Variants in DCC observed in about 807,000 individuals in gnomAD.
DCC encodes DCC netrin 1 receptor, also known as netrin receptor DCC.
DCC carries 58 observed loss-of-function variants against 172.5 expected under a neutral mutation model. That is an observed-to-expected ratio of 0.34 (90% confidence interval 0.27 to 0.42). The LOEUF (loss-of-function observed/expected upper bound fraction) is 0.42, where lower values mean the gene tolerates loss of function less well. Among genes scored for constraint, DCC ranks in the 10% least tolerant of loss-of-function variants. The probability of loss-of-function intolerance (pLI) is 1.00; values close to 1 mark genes in which losing one functional copy is unlikely to be tolerated. For missense variants in DCC, 1,740 were observed against 1,791.0 expected (o/e 0.97, Z 0.51); for synonymous variants, 709 against 644.5 (o/e 1.10, Z -1.52).
At chr18:52,980,833 A>G (rs2145603925) in intron 5 of DCC, among the ~76,000 whole-genome samples, 1 of 152,270 alleles carries the variant, frequency 6.6e-6, no homozygotes, top group South Asian at 2.1e-4. Flanking sequence ...AAAGTGAAAG[A>G]AAAGAATAGG....
chr18:52,819,637 G>A (rs892747253), intron 2 of DCC, among the ~76,000 whole-genome samples: 3 of 151,924 alleles, frequency 2.0e-5, no homozygotes, highest in Non-Finnish European at 4.4e-5. Context: ...GACGTCAGTT[G>A]TTAGTGAGGT....
intron 2 of DCC, among the ~76,000 whole-genome samples, chr18:52,882,284 TC>T (rs1242729614): frequency 2.0e-5 from 3 of 151,024 alleles, no homozygotes; most frequent in Non-Finnish European, 4.5e-5. Context: ...TTTATAGGGA[TC>T]CTTTAGGTTT....
intron 8 of DCC, among the ~76,000 whole-genome samples, chr18:53,164,624 A>G (rs1419625404): frequency 6.6e-6 from 1 of 152,190 alleles, no homozygotes; most frequent in Non-Finnish European, 1.5e-5. Flanking sequence ...GAATAATAAT[A>G]GTATCTGATG....
Position 52,688,015 on chromosome 18 carries a change from T to C in DCC, c.92-64039T>C, listed in dbSNP as rs369972274. Among the ~76,000 whole-genome samples the C allele has an allele frequency of 3.3e-5, 5 of 152,020 alleles. No individual in the cohort carries two copies. In the East Asian group the frequency reaches 5.8e-4, roughly 18 times the overall value. ...GGCTGTTTCATGATCCACTGAACTA[T>C]AAGGAAACCATGGGTCTAAATTGCC... On this transcript the variant is annotated intron_variant, in intron 1 of 28. Coordinates refer to ENST00000442544, the MANE Select transcript of DCC (RefSeq NM_005215.4).
chr18:52,988,673 T>C (rs1857524573), intron 5 of DCC, among the ~76,000 whole-genome samples: 1 of 152,152 alleles, frequency 6.6e-6, no homozygotes, highest in South Asian at 2.1e-4. Flanking sequence ...CTTCTGTTTA[T>C]GTGTTGTGCA....
intron 1 of DCC, among the ~76,000 whole-genome samples, chr18:52,433,845 C>T (rs1987703796): frequency 6.6e-6 from 1 of 152,232 alleles, no homozygotes; most frequent in East Asian, 1.9e-4. Flanking sequence ...TTTTAGGATT[C>T]ATCTTTTAAT....
At chr18:52,431,870 G>C (rs1987636408) in intron 1 of DCC, among the ~76,000 whole-genome samples, 1 of 152,138 alleles carries the variant, frequency 6.6e-6, no homozygotes, top group Non-Finnish European at 1.5e-5. Flanking sequence ...GAAGGGGATG[G>C]CTTTCAGGCC....
At chr18:52,371,481 G>T (rs1481196085) in intron 1 of DCC, among the ~76,000 whole-genome samples, 1 of 152,170 alleles carries the variant, frequency 6.6e-6, no homozygotes, top group Non-Finnish European at 1.5e-5. Flanking sequence ...TAGAGAGAAC[G>T]TTAGTGAACG....
At chr18:52,698,182 G>A (rs912927081) in intron 1 of DCC, among the ~76,000 whole-genome samples, 4 of 152,096 alleles carry the variant, frequency 2.6e-5, no homozygotes, top group Admixed American at 6.5e-5. Context: ...CAGCTGAGAG[G>A]TAGGAAGTAT....
intron 1 of DCC, among the ~76,000 whole-genome samples, chr18:52,497,033 C>A (rs868354506): frequency 5.3e-5 from 8 of 151,370 alleles, no homozygotes; most frequent in African/African-American, 1.7e-4. Flanking sequence ...GCAGGAGGGT[C>A]CCTCAAGCCC....
chr18:52,927,076 TGTGTATATACACGTATATAC>T lies in DCC; in HGVS notation c.985+1756_985+1775del, dbSNP rs1376490326. On this transcript the variant is annotated intron_variant, in intron 5 of 28. Transcript: ENST00000442544. ...ATATACACATATATACACACATATATGTGTATATACACGTATATACGTGTATATACACGTATATACGTGTA... is the reference window on the plus strand; with the variant it reads ...ATATACACATATATACACACATATATGTGTATATACACGTATATACGTGTA... Among the ~76,000 whole-genome samples, 13 of 66,566 alleles carry T rather than the reference TGTGTATATACACGTATATAC, an allele frequency of 2.0e-4. 1 individual carries two copies. Among genetic ancestry groups the T allele is most frequent in the African/African-American group, 6.2e-4 (11 of 17,630 alleles). 43.7% of individuals were successfully genotyped at this position (66,566 alleles called of 152,430 possible).
chr18:52,588,427 C>T (rs776899932), intron 1 of DCC, among the ~76,000 whole-genome samples: 1 of 152,198 alleles, frequency 6.6e-6, no homozygotes, highest in East Asian at 1.9e-4. Context: ...AACACAAATG[C>T]TATTCCCTGA....
intron 7 of DCC, among the ~76,000 whole-genome samples, chr18:53,091,221 T>G (rs961617000): frequency 1.3e-5 from 2 of 151,712 alleles, no homozygotes; most frequent in Non-Finnish European, 2.9e-5. Context: ...GCATTATAGA[T>G]CCAAGCAGTT....
rs148296414 is a variant in DCC at position 52,424,834 on chromosome 18, C to A, written c.91+83956C>A. On this transcript the variant is annotated intron_variant, in intron 1 of 28. Coordinates refer to ENST00000442544, the MANE Select transcript of DCC (RefSeq NM_005215.4). ...GTAACTTCCTTCTACGTATCAAACC[C>A]AAGATTATTGCCAAAGTATCTTATT... Among the ~76,000 whole-genome samples, 1,241 of 152,248 alleles carry A rather than the reference C, an allele frequency of 8.2e-3. 9 individuals carry two copies. Among genetic ancestry groups the A allele is most frequent in the Admixed American group, 0.011 (172 of 15,276 alleles).
intron 27 of DCC, among the ~76,000 whole-genome samples, chr18:53,506,564 T>C (rs772323268): frequency 2.6e-5 from 4 of 151,946 alleles, no homozygotes; most frequent in African/African-American, 9.7e-5. Flanking sequence ...TCTGCGTTCA[T>C]AGAAAGGAGG....
chr18:52,690,837 G>A (rs1227409434), intron 1 of DCC, among the ~76,000 whole-genome samples: 3 of 152,086 alleles, frequency 2.0e-5, no homozygotes, highest in Non-Finnish European at 4.4e-5. Flanking sequence ...ACTGCATATG[G>A]TGTGAGTGAT....
chr18:53,091,098 A>G (rs554090372), intron 7 of DCC, among the ~76,000 whole-genome samples: 1 of 152,100 alleles, frequency 6.6e-6, no homozygotes, highest in African/African-American at 2.4e-5. Flanking sequence ...CCAACTCTCT[A>G]TAGCATGTGA....
chr18:53,128,690 A>G (rs1207783742), intron 7 of DCC, among the ~76,000 whole-genome samples: 2 of 151,890 alleles, frequency 1.3e-5, no homozygotes, highest in African/African-American at 4.8e-5. Flanking sequence ...AGAAAGTGGA[A>G]GGATAAGGCT....
intron 12 of DCC, among the ~76,000 whole-genome samples, chr18:53,215,895 G>C (rs187903459): frequency 6.6e-6 from 1 of 152,276 alleles, no homozygotes; most frequent in Non-Finnish European, 1.5e-5. Context: ...AAAGACATCT[G>C]CTTCGTCTAT....
Sources: gnomAD v4.1 joint callset for allele counts (sites outside exome capture counted in the v4.1 genomes callset) on GRCh38, gnomAD v4.1.1 for gene constraint, MANE v1.5 for transcripts, NCBI Gene and HGNC (gene_info 2026-07-23, HGNC 2026-07-21) for gene names.